Variants in KCNQ3 observed in about 807,000 individuals in gnomAD.
KCNQ3 encodes the protein potassium voltage-gated channel subfamily Q member 3, also known as potassium voltage-gated channel subfamily KQT member 3.
In KCNQ3, 30 loss-of-function variants were observed where a neutral mutation model predicts 92.5. That is an observed-to-expected ratio of 0.32 (90% CI 0.24 to 0.44). The LOEUF is 0.44. KCNQ3 is among the 20% of genes least tolerant of loss of function. The pLI, the probability that KCNQ3 is intolerant of heterozygous loss-of-function variation, is 1.00. For synonymous variants in KCNQ3, 450 were observed against 468.8 expected (o/e 0.96, Z 0.52); for missense variants, 913 against 1,140.3 (o/e 0.80, Z 2.87).
At chr8:132,213,803 G>A (rs771929095) in intron 1 of KCNQ3, among the ~76,000 whole-genome samples, 7 of 152,148 alleles carry the variant, frequency 4.6e-5, no homozygotes, top group Admixed American at 6.5e-5. Flanking sequence ...TTGACCTCAC[G>A]GGGCTCTAAT....
chr8:132,388,610 A>G (rs560196880), intron 1 of KCNQ3, among the ~76,000 whole-genome samples: 28 of 152,308 alleles, frequency 1.8e-4, no homozygotes, highest in African/African-American at 5.8e-4. Flanking sequence ...ATATTACAAA[A>G]AGAAAAAAAA....
intron 1 of KCNQ3, among the ~76,000 whole-genome samples, chr8:132,397,975 A>G (rs1321756944): frequency 2.6e-5 from 4 of 152,144 alleles, no homozygotes; most frequent in African/African-American, 9.7e-5. Flanking sequence ...TAAAATATTA[A>G]CTCCCTGTGC....
chr8:132,150,614 T>G (rs1187186925), intron 9 of KCNQ3, among the ~76,000 whole-genome samples: 1 of 152,216 alleles, frequency 6.6e-6, no homozygotes, highest in African/African-American at 2.4e-5. Flanking sequence ...GACCTTGTTT[T>G]GCTGGGAAAA....
At position 132,128,979 on chromosome 8, in the gene KCNQ3, G is replaced by C. The variant is rs1824758161; in HGVS notation, c.*283C>G. The C allele has an allele frequency of 2.1e-6, 1 of 482,908 alleles. No individual in the cohort carries two copies. Among genetic ancestry groups the C allele is most frequent in the Non-Finnish European group, 3.8e-6 (1 of 265,768 alleles). The allele number at this position is 482,908 out of a possible 1,614,324, so 29.9% of individuals were successfully genotyped here. ...TTTCTCCCTGTACTGGTCCAATCGT[G>C]ATTAAAAGTAAGAACAGCAGATAAA... On this transcript the variant is annotated 3_prime_UTR_variant, in exon 15 of 15. Transcript: ENST00000388996.
chr8:132,150,335 A>G (rs890131686), intron 9 of KCNQ3, among the ~76,000 whole-genome samples: 1 of 152,066 alleles, frequency 6.6e-6, no homozygotes, highest in Non-Finnish European at 1.5e-5. Context: ...CCTAGATTCA[A>G]TCCTGGCCTA....
intron 1 of KCNQ3, among the ~76,000 whole-genome samples, chr8:132,456,955 A>T (rs1821956333): frequency 6.6e-6 from 1 of 152,192 alleles, no homozygotes; most frequent in Non-Finnish European, 1.5e-5. Context: ...ACTACACACT[A>T]ACCCCACAAG....
intron 1 of KCNQ3, among the ~76,000 whole-genome samples, chr8:132,280,542 C>T (rs1043944577): frequency 1.3e-5 from 2 of 152,148 alleles, no homozygotes; most frequent in African/African-American, 4.8e-5. Context: ...ACGGATCTGC[C>T]TCCATGACCC....
chr8:132,246,423 C>T (rs968564748), intron 1 of KCNQ3, among the ~76,000 whole-genome samples: 4 of 152,192 alleles, frequency 2.6e-5, no homozygotes, highest in Admixed American at 2.6e-4. Flanking sequence ...TTTAGCATCC[C>T]ATCTTCAGGG....
In KCNQ3 at chr8:132,405,162, C is replaced by T. The variant is rs368266642; in HGVS notation, c.386+74985G>A. On this transcript the variant is annotated intron_variant, in intron 1 of 14. Coordinates refer to ENST00000388996, the MANE Select transcript of KCNQ3 (RefSeq NM_004519.4). ...TCAAAAGTTTGCCACTGAGCTGCCA[C>T]TGGGCAAGATTTCAAGAAGCAGCCA... Among the ~76,000 whole-genome samples, 14 of 152,340 alleles carry T rather than the reference C, an allele frequency of 9.2e-5. No individual in the cohort carries two copies. The East Asian group carries it at 2.5e-3, about 27-fold the overall frequency.
Position 132,127,920 on chromosome 8 carries a change from T to C in KCNQ3, c.*1342A>G, listed in dbSNP as rs1824724203. On this transcript the variant is annotated 3_prime_UTR_variant, in exon 15 of 15. Transcript: ENST00000388996. The stretch of plus-strand genomic sequence containing the variant: ...AGTATTTTCATTTAAAAAATCTGGG[T>C]TGGTTCCATAAATTTGGAAAAGTAA... The C allele has an allele frequency of 6.6e-6, 1 of 152,222 alleles. No homozygotes were observed. The highest frequency in any genetic ancestry group is 1.5e-5 in the Non-Finnish European group (1 of 68,036). 9.4% of individuals were successfully genotyped at this position (152,222 alleles called of 1,614,324 possible).
intron 1 of KCNQ3, among the ~76,000 whole-genome samples, chr8:132,420,112 C>T (rs1342090469): frequency 6.6e-6 from 1 of 152,114 alleles, no homozygotes; most frequent in African/African-American, 2.4e-5. Flanking sequence ...ACACCTTCTC[C>T]TTGTGGTCTC....
chr8:132,259,181 A>C (rs1316403483), intron 1 of KCNQ3, among the ~76,000 whole-genome samples: 1 of 150,204 alleles, frequency 6.7e-6, no homozygotes, highest in Non-Finnish European at 1.5e-5. Flanking sequence ...TAATAACAAA[A>C]TCAGATAAAA....
intron 1 of KCNQ3, among the ~76,000 whole-genome samples, chr8:132,252,955 C>A (rs1815465230): frequency 6.6e-6 from 1 of 152,194 alleles, no homozygotes; most frequent in South Asian, 2.1e-4. Flanking sequence ...CTTTTGCCTT[C>A]ATTCCTAGCT....
At chr8:132,242,337 C>T (rs893790107) in intron 1 of KCNQ3, among the ~76,000 whole-genome samples, 1 of 152,096 alleles carries the variant, frequency 6.6e-6, no homozygotes. Context: ...TGGAGGGATG[C>T]TCATCCAGGG....
Position 132,132,274 on chromosome 8 carries a change from A to C in KCNQ3, c.1800-10T>G. On this transcript the variant is annotated splice_polypyrimidine_tract_variant and intron_variant, in intron 13 of 14. Coordinates refer to ENST00000388996, the MANE Select transcript of KCNQ3 (RefSeq NM_004519.4). The stretch of plus-strand genomic sequence containing the variant: ...TACATATGGTTCATTCCTAAGAAGA[A>C]GCGAACACTTCTATAAGATCATTAT... 6.2e-7 allele frequency: 1 copy of C among 1,601,742 alleles called. No homozygotes were observed. Among genetic ancestry groups the C allele is most frequent in the Non-Finnish European group, 8.6e-7 (1 of 1,168,744 alleles).
At chr8:132,291,895 T>A (rs1816846595) in intron 1 of KCNQ3, among the ~76,000 whole-genome samples, 1 of 152,170 alleles carries the variant, frequency 6.6e-6, no homozygotes, top group South Asian at 2.1e-4. Context: ...AAGTTGCAGA[T>A]AACAGAAGAG....
At chr8:132,254,843 C>T (rs1460512358) in intron 1 of KCNQ3, among the ~76,000 whole-genome samples, 1 of 152,134 alleles carries the variant, frequency 6.6e-6, no homozygotes, top group Non-Finnish European at 1.5e-5. Context: ...TGCACCATTG[C>T]ACTCCAGCCT....
At chr8:132,446,339 C>T (rs535869274) in intron 1 of KCNQ3, among the ~76,000 whole-genome samples, 95 of 152,292 alleles carry the variant, frequency 6.2e-4, no homozygotes, top group Admixed American at 1.9e-3. Flanking sequence ...CATCATGCCA[C>T]ACATTAGCTT....
chr8:132,357,100 G>A (rs1819039040), intron 1 of KCNQ3, among the ~76,000 whole-genome samples: 1 of 152,174 alleles, frequency 6.6e-6, no homozygotes, highest in Admixed American at 6.5e-5. Context: ...AAAACATCTT[G>A]AAGATGATCA....
Sources: gnomAD v4.1 joint callset for allele counts (sites outside exome capture counted in the v4.1 genomes callset) on GRCh38, gnomAD v4.1.1 for gene constraint, MANE v1.5 for transcripts, NCBI Gene and HGNC (gene_info 2026-07-23, HGNC 2026-07-21) for gene names.